Variants in MACROD2 observed in about 807,000 individuals in gnomAD.
The protein encoded by MACROD2 is ADP-ribose glycohydrolase MACROD2.
A neutral mutation model predicts 70.4 loss-of-function variants in MACROD2; 36 were observed. That is an observed-to-expected ratio of 0.51 (90% CI 0.39 to 0.68). The LOEUF (loss-of-function observed/expected upper bound fraction) is 0.68, where lower values mean the gene tolerates loss of function less well. Among genes scored for constraint, MACROD2 ranks in the 30% least tolerant of loss-of-function variants. The pLI is 0.00. For missense variants in MACROD2, 496 were observed against 538.4 expected, an observed-to-expected ratio of 0.92 and a Z score of 0.78; for synonymous variants, 172 against 178.8, an observed-to-expected ratio of 0.96 and a Z score of 0.30.
chr20:15,436,017 AG>A (rs1305985888), intron 7 of MACROD2, among the ~76,000 whole-genome samples: 1 of 152,094 alleles, frequency 6.6e-6, no homozygotes, highest in African/African-American at 2.4e-5. Context: ...ATATACACAA[AG>A]GTCGCATGCC....
At chr20:15,784,317 G>A (rs978212993) in intron 8 of MACROD2, among the ~76,000 whole-genome samples, 2 of 151,286 alleles carry the variant, frequency 1.3e-5, no homozygotes, top group Non-Finnish European at 3.0e-5. Context: ...AATTAGCTCT[G>A]AGGAATGATT....
At chr20:15,442,605 G>T (rs1043661102) in intron 7 of MACROD2, among the ~76,000 whole-genome samples, 4 of 152,060 alleles carry the variant, frequency 2.6e-5, no homozygotes, top group African/African-American at 4.8e-5. Flanking sequence ...AAGAGAAATT[G>T]GTCTTGTGAC....
intron 3 of MACROD2, among the ~76,000 whole-genome samples, chr20:14,275,388 C>T (rs1227511004): frequency 1.3e-5 from 2 of 151,902 alleles, no homozygotes; most frequent in Non-Finnish European, 2.9e-5. Context: ...GGAAAGGATT[C>T]CCTATTTAAT....
At chr20:14,750,701 C>T (rs2071858263) in intron 5 of MACROD2, among the ~76,000 whole-genome samples, 2 of 112,774 alleles carry the variant, frequency 1.8e-5, no homozygotes, top group Admixed American at 1.8e-4. Flanking sequence ...CTCAAGTGAT[C>T]TACCCAACTC....
At chr20:15,567,396 C>A (rs1165741506) in intron 8 of MACROD2, among the ~76,000 whole-genome samples, 1 of 152,138 alleles carries the variant, frequency 6.6e-6, no homozygotes, top group Non-Finnish European at 1.5e-5. Flanking sequence ...GATAAAGCCA[C>A]GGATGTGGCC....
chr20:14,855,652 C>A (rs2073248050), intron 5 of MACROD2, among the ~76,000 whole-genome samples: 1 of 89,226 alleles, frequency 1.1e-5, no homozygotes, highest in Non-Finnish European at 2.0e-5. Flanking sequence ...CAATTCTTAT[C>A]TCTTGGTTTG....
At chr20:15,197,960 CT>C (rs56284199) in intron 5 of MACROD2, among the ~76,000 whole-genome samples, 38 of 118,688 alleles carry the variant, frequency 3.2e-4, no homozygotes, top group African/African-American at 5.1e-4. Flanking sequence ...GCCTGGCCTC[CT>C]TTTTTTTTTT....
At chr20:14,325,672 T>G (rs1325562633) in intron 3 of MACROD2, 1 of 1,613,850 alleles carries the variant, frequency 6.2e-7, no homozygotes, top group Admixed American at 1.7e-5. Context: ...AAATATGGTG[T>G]GTATTACAAA....
intron 5 of MACROD2, among the ~76,000 whole-genome samples, chr20:15,149,736 G>A (rs547551404): frequency 1.3e-5 from 2 of 152,168 alleles, no homozygotes; most frequent in African/African-American, 4.8e-5. Context: ...AAACAGTAAG[G>A]TCAAGTTGTT....
chr20:15,490,681 G>T (rs1568844962), intron 7 of MACROD2, among the ~76,000 whole-genome samples: 1 of 152,206 alleles, frequency 6.6e-6, no homozygotes, highest in South Asian at 2.1e-4. Context: ...GAGAGAGAAA[G>T]TGGGACCAGG....
chr20:14,034,081 C>T (rs1320630555), intron 2 of MACROD2, among the ~76,000 whole-genome samples: 1 of 152,150 alleles, frequency 6.6e-6, no homozygotes, highest in Non-Finnish European at 1.5e-5. Context: ...ACGCCATTCT[C>T]CTGCCTCAGC....
chr20:15,987,589 G>A (rs145968053), intron 15 of MACROD2, among the ~76,000 whole-genome samples: 45 of 152,154 alleles, frequency 3.0e-4, no homozygotes, highest in Non-Finnish European at 5.6e-4. Context: ...AAATATGCAT[G>A]TTATATGAAC....
intron 8 of MACROD2, among the ~76,000 whole-genome samples, chr20:15,542,862 A>T (rs1233728): frequency 0.47 from 71,937 of 151,926 alleles, 19,859 homozygotes; most frequent in African/African-American, 0.77. Flanking sequence ...GATATTGGAG[A>T]TCACGTGACA....
intron 5 of MACROD2, among the ~76,000 whole-genome samples, chr20:15,002,773 T>G: frequency 6.6e-6 from 1 of 152,176 alleles, no homozygotes; most frequent in East Asian, 1.9e-4. Flanking sequence ...AACCGGAAAC[T>G]TCTGAATCAG....
intron 5 of MACROD2, among the ~76,000 whole-genome samples, chr20:14,976,455 G>A (rs184928107): frequency 6.6e-6 from 1 of 152,084 alleles, no homozygotes; most frequent in African/African-American, 2.4e-5. Flanking sequence ...TGACTTCCTG[G>A]GTCCCTTGTA....
intron 6 of MACROD2, among the ~76,000 whole-genome samples, chr20:15,313,920 T>C (rs1349144159): frequency 6.6e-6 from 1 of 152,214 alleles, no homozygotes; most frequent in Non-Finnish European, 1.5e-5. Context: ...TGTCCCATAA[T>C]TGTGTTATTA....
intron 3 of MACROD2, among the ~76,000 whole-genome samples, chr20:14,230,617 A>T: frequency 3.0e-5 from 2 of 67,114 alleles, no homozygotes; most frequent in Admixed American, 2.2e-4. Context: ...CTTCTTCCAA[A>T]CTCTCATTCA....
intron 5 of MACROD2, among the ~76,000 whole-genome samples, chr20:15,144,893 A>G (rs573830043): frequency 1.3e-5 from 2 of 152,228 alleles, no homozygotes; most frequent in East Asian, 1.9e-4. Flanking sequence ...TATACTTACT[A>G]TATACTATAT....
At chr20:16,044,684 TAAG>T in intron 17 of MACROD2, 45 bp downstream of exon 17, 1 of 1,548,244 alleles carries the variant, frequency 6.5e-7, no homozygotes, top group South Asian at 1.1e-5. Flanking sequence ...CAACCAGCCA[TAAG>T]AACTATTTGC....
Sources: gnomAD v4.1 joint callset for allele counts (sites outside exome capture counted in the v4.1 genomes callset) on GRCh38, gnomAD v4.1.1 for gene constraint, MANE v1.5 for transcripts, NCBI Gene and HGNC (gene_info 2026-07-23, HGNC 2026-07-21) for gene names.